Variants in BMERB1 observed in about 807,000 individuals in gnomAD.
BMERB1 encodes bMERB domain-containing protein 1.
Under a neutral mutation model 23.6 loss-of-function variants are expected in BMERB1, and 12 were observed. That is an observed-to-expected ratio of 0.51 (90% confidence interval 0.33 to 0.82). The LOEUF is 0.82. Among genes scored for constraint, BMERB1 ranks in the 40% least tolerant of loss-of-function variants. The pLI is 0.03. For synonymous variants in BMERB1, 122 were observed against 96.6 expected (o/e 1.26, Z -1.54); for missense variants, 247 against 255.4 (o/e 0.97, Z 0.22).
intron 3 of BMERB1, among the ~76,000 whole-genome samples, chr16:15,580,293 A>G (rs1287934636): frequency 1.3e-5 from 2 of 152,010 alleles, no homozygotes; most frequent in Non-Finnish European, 2.9e-5. Context: ...TAGACATAGG[A>G]GGGTCTCACT....
rs188573824 is a variant in BMERB1 at position 15,534,192 on chromosome 16, A to G, written c.230+18764A>G. Among the ~76,000 whole-genome samples the G allele has an allele frequency of 7.6e-4, 114 of 149,552 alleles. 2 individuals carry two copies. The highest frequency in any genetic ancestry group is 6.9e-3 in the East Asian group (35 of 5,088). On this transcript the variant is annotated intron_variant, in intron 2 of 5. Transcript: ENST00000300006. ...AGCTTAAAAACCATGACCAGTGACA[A>G]TCGTCTCCTGGCTCACCATGTAACT...
At position 15,483,420 on chromosome 16, in the gene BMERB1, C is replaced by T. The variant is rs199948888; in HGVS notation, c.107-31885C>T. Among the ~76,000 whole-genome samples, 6 of 152,124 alleles carry T rather than the reference C, an allele frequency of 3.9e-5. No homozygotes were observed. The East Asian group carries it at 1.2e-3, about 29-fold the overall frequency. On this transcript the variant is annotated intron_variant, in intron 1 of 5. Coordinates refer to ENST00000300006, the MANE Select transcript of BMERB1 (RefSeq NM_033201.3). ...TTTGAGACAGAGTTTCTCTCTGAAG[C>T]CCAGGCTGGAGTGCAATGGCATGAT...
intron 3 of BMERB1, among the ~76,000 whole-genome samples, chr16:15,579,937 T>G (rs2150976833): frequency 6.6e-6 from 1 of 152,304 alleles, no homozygotes; most frequent in African/African-American, 2.4e-5. Context: ...CAAAATTGTA[T>G]GCAATTTAGT....
chr16:15,579,654 CCTCT>C (rs34651842), intron 3 of BMERB1, among the ~76,000 whole-genome samples: 3 of 151,948 alleles, frequency 2.0e-5, no homozygotes, highest in African/African-American at 7.3e-5. Context: ...CATCTTCAGC[CCTCT>C]CTCTTTTTTT....
At chr16:15,444,123 G>GTTTTTTTTTTTTTTTTTTTGTTTT (rs2050966952) in intron 1 of BMERB1, among the ~76,000 whole-genome samples, 1 of 35,610 alleles carries the variant, frequency 2.8e-5, no homozygotes, top group African/African-American at 1.3e-4. Context: ...CACCAGCTTT[G>GTTTTTTTTTTTTTTTTTTTGTTTT]TTTTTTTTTT....
intron 2 of BMERB1, among the ~76,000 whole-genome samples, chr16:15,515,683 G>A (rs1296236432): frequency 6.6e-6 from 1 of 152,086 alleles, no homozygotes; most frequent in Non-Finnish European, 1.5e-5. Context: ...TATCACCCAC[G>A]GGGAAGAAAG....
At chr16:15,583,281 A>G (rs2031062565) in intron 5 of BMERB1, 43 bp downstream of exon 5, 2 of 1,490,002 alleles carry the variant, frequency 1.3e-6, no homozygotes, top group Non-Finnish European at 1.9e-6. Context: ...ACAAAAGAGA[A>G]AAGTATATTT....
chr16:15,447,939 G>T (rs1567449589), intron 1 of BMERB1: 2 of 455,678 alleles, frequency 4.4e-6, no homozygotes, highest in Non-Finnish European at 8.8e-6. Flanking sequence ...TCCCAGGCTA[G>T]AGTGCAGTGG....
At chr16:15,533,342 T>C (rs2051988268) in intron 2 of BMERB1, among the ~76,000 whole-genome samples, 1 of 151,864 alleles carries the variant, frequency 6.6e-6, no homozygotes, top group Non-Finnish European at 1.5e-5. Flanking sequence ...GCACCTAAGA[T>C]TTGTCTCAAA....
intron 1 of BMERB1, among the ~76,000 whole-genome samples, chr16:15,462,644 T>C (rs1430106430): frequency 6.6e-6 from 1 of 152,044 alleles, no homozygotes. Context: ...ACAGCCTGAA[T>C]GCGAACAGAA....
chr16:15,453,951 C>T (rs2051063648), intron 1 of BMERB1, among the ~76,000 whole-genome samples: 1 of 152,078 alleles, frequency 6.6e-6, no homozygotes, highest in Non-Finnish European at 1.5e-5. Context: ...TTCAGATGTC[C>T]CTTCCTCCCT....
chr16:15,554,663 C>CT (rs55937169), intron 2 of BMERB1, among the ~76,000 whole-genome samples: 92,685 of 144,430 alleles, frequency 0.64, 30,662 homozygotes, highest in African/African-American at 0.82. Flanking sequence ...ACCAAGTATT[C>CT]TTTTTTTTTT....
intron 1 of BMERB1, among the ~76,000 whole-genome samples, chr16:15,502,934 C>T (rs1049538560): frequency 6.6e-6 from 1 of 152,178 alleles, no homozygotes; most frequent in African/African-American, 2.4e-5. Context: ...GTTAGTCTGG[C>T]TTCTTTCAGG....
At position 15,586,625 on chromosome 16, in the gene BMERB1, G is replaced by T. The variant is rs940124478; in HGVS notation, c.503-92G>T. ...AAGACCTGGCCAGGGGTTGCAGTGG[G>T]GCTGGGCTGCAGATGGTCAGGGCTC... On this transcript the variant is annotated intron_variant, in intron 5 of 5. Transcript: ENST00000300006. The T allele has an allele frequency of 1.4e-4, 150 of 1,050,624 alleles. No individual in the cohort carries two copies. The African/African-American group carries it at 2.3e-3, about 16-fold the overall frequency. The allele number at this position is 1,050,624 out of a possible 1,614,324, so 65.1% of individuals were successfully genotyped here. A position where few individuals can be genotyped will look rare whatever the true frequency, so the allele number is the denominator to read the frequency against.
Position 15,584,154 on chromosome 16 carries a change from A to T in BMERB1, c.502+916A>T, listed in dbSNP as rs191083351. 585 of 653,696 alleles carry T rather than the reference A, an allele frequency of 8.9e-4. 4 individuals are homozygous for T. Among genetic ancestry groups the T allele is most frequent in the African/African-American group, 8.7e-3 (483 of 55,352 alleles). 40.5% of individuals were successfully genotyped at this position (653,696 alleles called of 1,614,324 possible). The stretch of plus-strand genomic sequence containing the variant: ...TTGGAGAGTCCCAGTGTCCATTAGG[A>T]TATTAAAGTGATGATGGATCCTGCT... On this transcript the variant is annotated intron_variant, in intron 5 of 5. Transcript: ENST00000300006.
chr16:15,475,137 A>G (rs2051264334), intron 1 of BMERB1, among the ~76,000 whole-genome samples: 2 of 152,248 alleles, frequency 1.3e-5, no homozygotes, highest in South Asian at 4.1e-4. Context: ...GCTTCCTGGT[A>G]GGGGGTGTAC....
intron 2 of BMERB1, among the ~76,000 whole-genome samples, chr16:15,558,238 A>G (rs1325690930): frequency 6.6e-6 from 1 of 152,064 alleles, no homozygotes; most frequent in African/African-American, 2.4e-5. Context: ...AAAAGAAAAG[A>G]ATTTATTCAC....
Position 15,482,105 on chromosome 16 carries a change from G to C in BMERB1, c.107-33200G>C, listed in dbSNP as rs537924528. On this transcript the variant is annotated intron_variant, in intron 1 of 5. Transcript: ENST00000300006. ...GAAAGACAGAGATGTTTCCTGGCAGGATAGGGTCCACTGCCATTGATATTG... is the reference window on the plus strand; with the variant it reads ...GAAAGACAGAGATGTTTCCTGGCAGCATAGGGTCCACTGCCATTGATATTG... Among the ~76,000 whole-genome samples the C allele has an allele frequency of 2.6e-4, 39 of 152,170 alleles. 1 individual carries two copies. In the South Asian group the frequency reaches 8.1e-3, roughly 32 times the overall value.
chr16:15,543,260 C>T (rs1487543411), intron 2 of BMERB1, among the ~76,000 whole-genome samples: 1 of 152,048 alleles, frequency 6.6e-6, no homozygotes, highest in African/African-American at 2.4e-5. Flanking sequence ...TTCTCTGCCA[C>T]GCCACTCTGG....
Sources: allele counts gnomAD v4.1 joint callset (sites outside exome capture counted in the v4.1 genomes callset), GRCh38; gene constraint gnomAD v4.1.1; transcripts MANE v1.5; gene names NCBI Gene and HGNC (gene_info 2026-07-23, HGNC 2026-07-21).